Variants in XRN1 observed in about 807,000 individuals in gnomAD.
XRN1 encodes 5'-3' exoribonuclease 1.
In XRN1, 67 loss-of-function variants were observed where a neutral mutation model predicts 222.3. The ratio of observed to expected loss-of-function variants is 0.30; its 90% CI spans 0.25 to 0.37. The LOEUF is 0.37. Ranked by LOEUF, XRN1 falls within the 10% of genes least tolerant of loss-of-function variation. The pLI, the probability that XRN1 is intolerant of heterozygous loss-of-function variation, is 1.00. For synonymous variants in XRN1, 643 were observed against 652.4 expected, an observed-to-expected ratio of 0.99 and a Z score of 0.22; for missense variants, 1,707 against 2,000.2, an observed-to-expected ratio of 0.85 and a Z score of 2.80.
At chr3:142,376,813 C>A (rs965809046) in intron 23 of XRN1, among the ~76,000 whole-genome samples, 1 of 151,898 alleles carries the variant, frequency 6.6e-6, no homozygotes, top group African/African-American at 2.4e-5. Flanking sequence ...GACAGAATTC[C>A]CAAGGATGGA....
At chr3:142,427,798 C>T (rs1170226757) in intron 2 of XRN1, among the ~76,000 whole-genome samples, 2 of 152,194 alleles carry the variant, frequency 1.3e-5, no homozygotes, top group East Asian at 1.9e-4. Flanking sequence ...CCCTTTGCAG[C>T]GTACCAGCAT....
chr3:142,364,532 A>G (rs1306162513), intron 29 of XRN1, among the ~76,000 whole-genome samples: 1 of 152,070 alleles, frequency 6.6e-6, no homozygotes, highest in Non-Finnish European at 1.5e-5. Context: ...TGATAGGTCT[A>G]TTTTATATAT....
intron 20 of XRN1, among the ~76,000 whole-genome samples, chr3:142,391,977 G>A (rs1363029389): frequency 1.3e-5 from 2 of 151,484 alleles, no homozygotes; most frequent in African/African-American, 4.9e-5. Context: ...TCTCCATGAT[G>A]TCCTATAAAG....
intron 20 of XRN1, among the ~76,000 whole-genome samples, chr3:142,395,245 G>A (rs2067884011): frequency 6.6e-6 from 1 of 152,194 alleles, no homozygotes; most frequent in Admixed American, 6.6e-5. Context: ...GACAAAAAGT[G>A]AGATGGTATC....
At position 142,307,807 on chromosome 3, in the gene XRN1, G is replaced by A. The variant is rs532376877; in HGVS notation, c.*3704C>T. The A allele has an allele frequency of 2.6e-4, 39 of 152,314 alleles. No homozygotes were observed. Among genetic ancestry groups the A allele is most frequent in the African/African-American group, 7.9e-4 (33 of 41,578 alleles). 9.4% of individuals were successfully genotyped at this position (152,314 alleles called of 1,614,324 possible). ...GTTTCACTGACAAAGCTTACAAAAT[G>A]TATATACTGAGCACTGCCAGTTTGA... On this transcript the variant is annotated 3_prime_UTR_variant, in exon 41 of 41. Transcript: ENST00000392981.
chr3:142,332,940 G>C, intron 35 of XRN1, 27 bp downstream of exon 35: 1 of 1,610,604 alleles, frequency 6.2e-7, no homozygotes, highest in South Asian at 1.1e-5. Flanking sequence ...AATTACCACA[G>C]TAAGAAAGTT....
At chr3:142,329,673 C>T in intron 36 of XRN1, 58 bp from the exon 37 acceptor site, 1 of 1,475,630 alleles carries the variant, frequency 6.8e-7, no homozygotes, top group South Asian at 1.4e-5. Flanking sequence ...TCAAATTATG[C>T]ACTTATTGTA....
chr3:142,348,265 T>G (rs1281680873), intron 32 of XRN1, among the ~76,000 whole-genome samples: 2 of 152,142 alleles, frequency 1.3e-5, no homozygotes, highest in African/African-American at 4.8e-5. Flanking sequence ...ACACTTACAT[T>G]CCCTTCCATG....
chr3:142,422,555 C>G, intron 8 of XRN1, 27 bp downstream of exon 8: 1 of 1,605,236 alleles, frequency 6.2e-7, no homozygotes, highest in Non-Finnish European at 8.5e-7. Context: ...TTAAAGTATC[C>G]TCGAGAGATT....
intron 33 of XRN1, among the ~76,000 whole-genome samples, chr3:142,337,413 GTCT>G (rs2065880302): frequency 6.6e-6 from 1 of 152,166 alleles, no homozygotes; most frequent in Admixed American, 6.5e-5. Flanking sequence ...CAGAAAATTT[GTCT>G]TCCTTTTTAG....
At chr3:142,388,313 C>G (rs1471952848) in intron 20 of XRN1, among the ~76,000 whole-genome samples, 1 of 152,144 alleles carries the variant, frequency 6.6e-6, no homozygotes, top group African/African-American at 2.4e-5. Flanking sequence ...TTTCTTCTAT[C>G]TTACTTTATT....
intron 32 of XRN1, 124 bp downstream of exon 32, chr3:142,355,277 G>A: frequency 4.2e-6 from 2 of 479,470 alleles, no homozygotes; most frequent in Non-Finnish European, 6.9e-6. Flanking sequence ...GAAAATTCAT[G>A]ATCAAAATTG....
At chr3:142,368,951 T>C (rs1392943154) in intron 27 of XRN1, among the ~76,000 whole-genome samples, 1 of 152,206 alleles carries the variant, frequency 6.6e-6, no homozygotes, top group African/African-American at 2.4e-5. Flanking sequence ...GAGGACACTC[T>C]GAGGCAGGTA....
At chr3:142,440,149 C>T (rs531494101) in intron 1 of XRN1, among the ~76,000 whole-genome samples, 3 of 152,222 alleles carry the variant, frequency 2.0e-5, no homozygotes, top group South Asian at 4.1e-4. Flanking sequence ...GACACTGGCA[C>T]GGCCTTCTCA....
chr3:142,373,627 T>C (rs891337430), intron 25 of XRN1, among the ~76,000 whole-genome samples: 4 of 152,094 alleles, frequency 2.6e-5, no homozygotes, highest in African/African-American at 4.8e-5. Context: ...AAATTCAGAA[T>C]CAGAATGGCA....
intron 10 of XRN1, among the ~76,000 whole-genome samples, chr3:142,419,762 C>A (rs1054246734): frequency 1.3e-5 from 2 of 151,500 alleles, no homozygotes; most frequent in Non-Finnish European, 2.9e-5. Flanking sequence ...GAGCCAAGAT[C>A]GCGCCACTGC....
At chr3:142,323,552 A>G (rs1170665521) in intron 37 of XRN1, among the ~76,000 whole-genome samples, 1 of 152,106 alleles carries the variant, frequency 6.6e-6, no homozygotes, top group Non-Finnish European at 1.5e-5. Flanking sequence ...GATTCTCTTC[A>G]TTTTTCTAAT....
At chr3:142,385,120 A>G (rs1348970428) in intron 20 of XRN1, among the ~76,000 whole-genome samples, 1 of 152,202 alleles carries the variant, frequency 6.6e-6, no homozygotes, top group Non-Finnish European at 1.5e-5. Flanking sequence ...AATTCTAAGC[A>G]TTCCAACCCC....
chr3:142,355,734 C>T (rs2066450324), intron 31 of XRN1, among the ~76,000 whole-genome samples: 2 of 151,906 alleles, frequency 1.3e-5, no homozygotes, highest in Non-Finnish European at 2.9e-5. Flanking sequence ...CCTCAGCCTC[C>T]TGTGGAGCTA....
Sources: allele counts gnomAD v4.1 joint callset (sites outside exome capture counted in the v4.1 genomes callset), GRCh38; gene constraint gnomAD v4.1.1; transcripts MANE v1.5; gene names NCBI Gene and HGNC (gene_info 2026-07-23, HGNC 2026-07-21).